Variants in SDK2 observed in about 807,000 individuals in gnomAD.
SDK2 encodes sidekick cell adhesion molecule 2, also known as protein sidekick-2.
A neutral mutation model predicts 253.9 loss-of-function variants in SDK2; 105 were observed. The observed-to-expected ratio is 0.41, with a 90% CI of 0.35 to 0.49. The LOEUF (loss-of-function observed/expected upper bound fraction) is 0.49, where lower values mean the gene tolerates loss of function less well. SDK2 is among the 20% of genes least tolerant of loss of function. The pLI, the probability that SDK2 is intolerant of heterozygous loss-of-function variation, is 0.06. For missense variants in SDK2, 2,608 were observed against 3,003.0 expected (o/e 0.87, Z 3.07); for synonymous variants, 1,249 against 1,234.9 (o/e 1.01, Z -0.24).
Position 73,629,092 on chromosome 17 carries a change from G to C in SDK2, c.64+14933C>G, listed in dbSNP as rs540506496. The stretch of plus-strand genomic sequence containing the variant: ...GCTGCAGTGGGTGGAGCCTGCGGAG[G>C]GGGCAGGAAAGCCAGGCTCCTGAGC... On this transcript the variant is annotated intron_variant, in intron 1 of 44. Transcript: ENST00000392650. The surrounding 1 kb of genome is among the most constrained non-coding windows in gnomAD (Gnocchi z 5.0). Among the ~76,000 whole-genome samples, 1 of 152,322 alleles carries C rather than the reference G, an allele frequency of 6.6e-6. No homozygotes were observed. The highest frequency in any genetic ancestry group is 2.1e-4 in the South Asian group (1 of 4,824).
intron 1 of SDK2, among the ~76,000 whole-genome samples, chr17:73,610,049 G>A (rs2045954356): frequency 6.6e-6 from 1 of 152,190 alleles, no homozygotes; most frequent in Non-Finnish European, 1.5e-5. Context: ...CAGCCCCACG[G>A]AGACATGGGG....
At position 73,395,084 on chromosome 17, in the gene SDK2, G is replaced by T; in HGVS notation, c.3592+71C>A. On this transcript the variant is annotated intron_variant, in intron 25 of 44. Coordinates refer to ENST00000392650, the MANE Select transcript of SDK2 (RefSeq NM_001144952.2). The surrounding 1 kb of genome is among the most constrained non-coding windows in gnomAD (Gnocchi z 4.3). ...AACACCTTCAGCCTGGCACGCGCTT[G>T]GATGACCCTGAGGGCATAGAGACCA... 1 of 1,236,102 alleles carries T rather than the reference G, an allele frequency of 8.1e-7. No individual in the cohort carries two copies. Among genetic ancestry groups the T allele is most frequent in the Non-Finnish European group, 1.1e-6 (1 of 882,994 alleles). 76.6% of individuals were successfully genotyped at this position (1,236,102 alleles called of 1,614,324 possible). A position where few individuals can be genotyped will look rare whatever the true frequency, so the allele number is the denominator to read the frequency against.
chr17:73,387,531 C>T lies in SDK2; in HGVS notation c.4394+305G>A, dbSNP rs138329644. ...TAAAGCTGGAGAGGAAGATACCGCC[C>T]GGCTGGAAGAATCACTAATGAAGGA... On this transcript the variant is annotated intron_variant, in intron 30 of 44. Transcript: ENST00000392650. Among the ~76,000 whole-genome samples the T allele has an allele frequency of 1.5e-3, 231 of 152,284 alleles. 1 individual carries two copies. The highest frequency in any genetic ancestry group is 5.0e-3 in the African/African-American group (206 of 41,560).
chr17:73,381,908 A>AAAAAAAC (rs879500247), intron 33 of SDK2, among the ~76,000 whole-genome samples: 32 of 150,676 alleles, frequency 2.1e-4, no homozygotes, highest in South Asian at 2.1e-4. Flanking sequence ...AACAAAAAAC[A>AAAAAAAC]AAAAAACAAA....
intron 1 of SDK2, among the ~76,000 whole-genome samples, chr17:73,522,712 C>A (rs763728299): frequency 6.6e-6 from 1 of 152,210 alleles, no homozygotes; most frequent in Non-Finnish European, 1.5e-5. Context: ...ACCCCACCCA[C>A]CCCCGCTCCT....
intron 1 of SDK2, among the ~76,000 whole-genome samples, chr17:73,595,432 GCCCTTGTGCTT>G (rs1478661201): frequency 6.6e-6 from 1 of 152,146 alleles, no homozygotes; most frequent in Non-Finnish European, 1.5e-5. Context: ...TGGGAAGGAG[GCCCTTGTGCTT>G]CCAAGAGATC....
At chr17:73,568,965 T>C (rs1331224552) in intron 1 of SDK2, among the ~76,000 whole-genome samples, 2 of 152,204 alleles carry the variant, frequency 1.3e-5, no homozygotes, top group Non-Finnish European at 2.9e-5. Flanking sequence ...AAAAAGCACC[T>C]ATTATGTGCT....
At position 73,447,818 on chromosome 17, in the gene SDK2, A is replaced by T; in HGVS notation, c.480-70T>A. The T allele has an allele frequency of 6.5e-7, 1 of 1,538,152 alleles. No individual in the cohort carries two copies. The highest frequency in any genetic ancestry group is 8.8e-7 in the Non-Finnish European group (1 of 1,136,232). On this transcript the variant is annotated intron_variant, in intron 4 of 44. Transcript: ENST00000392650. The surrounding 1 kb of genome is among the most constrained non-coding windows in gnomAD (Gnocchi z 4.0). ...CTGAACCTCCAGGGAGTGGGAGTGG[A>T]AACCCTAAGGGGGAAGCCCGACCAT...
intron 3 of SDK2, among the ~76,000 whole-genome samples, chr17:73,458,781 G>A (rs746673644): frequency 1.8e-4 from 28 of 152,156 alleles, no homozygotes; most frequent in Non-Finnish European, 2.9e-4. Flanking sequence ...TGAGGCAGGC[G>A]GATCATGAGG....
At chr17:73,535,387 G>A (rs1348269880) in intron 1 of SDK2, among the ~76,000 whole-genome samples, 1 of 152,154 alleles carries the variant, frequency 6.6e-6, no homozygotes, top group Admixed American at 6.5e-5. Context: ...ATGACATGAT[G>A]CCTTCATCTT....
intron 36 of SDK2, among the ~76,000 whole-genome samples, chr17:73,377,149 G>A (rs373535577): frequency 5.3e-5 from 8 of 150,474 alleles, no homozygotes; most frequent in African/African-American, 1.5e-4. Context: ...ACACTGGTGC[G>A]GGAGGCAGAC....
At chr17:73,384,748 G>A (rs1442103037) in intron 32 of SDK2, among the ~76,000 whole-genome samples, 1 of 152,180 alleles carries the variant, frequency 6.6e-6, no homozygotes, top group African/African-American at 2.4e-5. Flanking sequence ...GCTGGGAGGC[G>A]GAGGTTGCAG....
chr17:73,337,807 G>A lies in SDK2; in HGVS notation c.*780C>T, dbSNP rs1185398099. The A allele has an allele frequency of 6.6e-6, 1 of 152,292 alleles. No homozygotes were observed. The highest frequency in any genetic ancestry group is 1.5e-5 in the Non-Finnish European group (1 of 68,108). 9.4% of individuals were successfully genotyped at this position (152,292 alleles called of 1,614,324 possible). A position where few individuals can be genotyped will look rare whatever the true frequency, so the allele number is the denominator to read the frequency against. On this transcript the variant is annotated 3_prime_UTR_variant, in exon 45 of 45. Coordinates refer to ENST00000392650, the MANE Select transcript of SDK2 (RefSeq NM_001144952.2). ...TCAGGAAAGTCAATTCCAGCACAGG[G>A]AGGCAGGGGTCAGTTGTGGGGGGTT...
chr17:73,433,740 CAAGT>C lies in SDK2; in HGVS notation c.1300_1303del (p.Thr434GlyfsTer56). 6.2e-7 allele frequency: 1 copy of C among 1,602,018 alleles called. No individual in the cohort carries two copies. The highest frequency in any genetic ancestry group is 8.5e-7 in the Non-Finnish European group (1 of 1,173,892). The stretch of plus-strand genomic sequence containing the variant: ...AGGTGTGTTCCATCTACCTTTCTGC[CAAGT>C]GATAGCTGGTCGGGGCGCCCCCGAG... On this transcript the variant is annotated frameshift_variant, in exon 10 of 45. Coordinates refer to ENST00000392650, the MANE Select transcript of SDK2 (RefSeq NM_001144952.2). LOFTEE classifies it high-confidence loss of function.
At position 73,358,140 on chromosome 17, in the gene SDK2, C is replaced by T. The variant is rs2062608293; in HGVS notation, c.5532G>A (p.Trp1844Ter). Residue 1844 changes from tryptophan (W) to a stop codon, truncating the protein, a stop_gained, in exon 40 of 45, where the codon TGG becomes TGA. Transcript: ENST00000392650. LOFTEE classifies it high-confidence loss of function. ...VRYSSAIAIH[W>*]SSGDPGKGPI... ...GCCCTTTGCCCGGGTCTCCGCTGGA[C>T]CAGTGAATGGCGATGGCAGAGCTGT... 1 of 1,613,142 alleles carries T rather than the reference C, an allele frequency of 6.2e-7. No homozygotes were observed. Among genetic ancestry groups the T allele is most frequent in the South Asian group, 1.1e-5 (1 of 91,054 alleles).
In SDK2 at chr17:73,376,239, C is replaced by T. The variant is rs541301750; in HGVS notation, c.4980+2938G>A. On this transcript the variant is annotated intron_variant, in intron 36 of 44. Transcript: ENST00000392650. ...AACCTCCTCATGGACCTGGCTCTCC[C>T]CTAACCTGCTTCATTTACCACCACC... Among the ~76,000 whole-genome samples, 103 of 148,032 alleles carry T rather than the reference C, an allele frequency of 7.0e-4. 2 individuals carry two copies. In the South Asian group the frequency reaches 0.022, roughly 32 times the overall value.
At chr17:73,525,083 G>A (rs184835940) in intron 1 of SDK2, among the ~76,000 whole-genome samples, 16 of 152,306 alleles carry the variant, frequency 1.1e-4, no homozygotes, top group African/African-American at 3.6e-4. Flanking sequence ...TTCCCTTTAG[G>A]GCATGATGAG....
chr17:73,474,702 T>C (rs1170119859), intron 2 of SDK2, among the ~76,000 whole-genome samples: 2 of 152,040 alleles, frequency 1.3e-5, no homozygotes, highest in African/African-American at 4.8e-5. Context: ...CCTGTTTGCG[T>C]CCCCTCTCTC....
At chr17:73,563,535 G>A (rs911790502) in intron 1 of SDK2, among the ~76,000 whole-genome samples, 4 of 152,110 alleles carry the variant, frequency 2.6e-5, no homozygotes, top group African/African-American at 9.7e-5. Context: ...GCTATGAACA[G>A]GCCACTGCCC....
Sources: gnomAD v4.1 joint callset for allele counts (sites outside exome capture counted in the v4.1 genomes callset) on GRCh38, gnomAD v4.1.1 for gene constraint, Gnocchi (gnomAD v3.1) non-coding constraint, MANE v1.5 for transcripts, NCBI Gene and HGNC (gene_info 2026-07-23, HGNC 2026-07-21) for gene names.